The following NAV3 variants were observed in gnomAD, a reference collection of about 807,000 sequenced individuals.
The protein encoded by NAV3 is neuron navigator 3.
A neutral mutation model predicts 244.7 loss-of-function variants in NAV3; 87 were observed. The observed-to-expected ratio is 0.36, with a 90% confidence interval of 0.30 to 0.42. The LOEUF (loss-of-function observed/expected upper bound fraction) is 0.42, where lower values mean the gene tolerates loss of function less well. Among genes scored for constraint, NAV3 ranks in the 20% least tolerant of loss-of-function variants. NAV3 has a pLI of 1.00. For synonymous variants in NAV3, 1,126 were observed against 1,042.2 expected (o/e 1.08, Z -1.55); for missense variants, 2,663 against 2,893.3 (o/e 0.92, Z 1.83).
chr12:77,719,574 T>C (rs1020511289), intron 2 of NAV3, among the ~76,000 whole-genome samples: 2 of 152,148 alleles, frequency 1.3e-5, no homozygotes, highest in Non-Finnish European at 2.9e-5. Context: ...TATGACTTAT[T>C]TTTTGTTCTG....
At chr12:77,947,342 A>G (rs1440573171) in intron 3 of NAV3, 2 of 151,828 alleles carry the variant, frequency 1.3e-5, no homozygotes, top group Non-Finnish European at 1.5e-5. Flanking sequence ...CCATGCTTTT[A>G]TCAGTAGCCT....
chr12:77,701,823 G>A (rs1875576644), intron 2 of NAV3, among the ~76,000 whole-genome samples: 1 of 151,712 alleles, frequency 6.6e-6, no homozygotes, highest in African/African-American at 2.4e-5. Flanking sequence ...CATTATTTTA[G>A]TGGTCAGAGA....
At chr12:77,851,528 A>G (rs1204213571) in intron 1 of NAV3, among the ~76,000 whole-genome samples, 1 of 102,926 alleles carries the variant, frequency 9.7e-6, no homozygotes, top group Non-Finnish European at 2.2e-5. Flanking sequence ...CAATGAACTT[A>G]AAAATATTTT....
chr12:77,957,585 G>A (rs1363853913), intron 3 of NAV3, among the ~76,000 whole-genome samples: 1 of 152,126 alleles, frequency 6.6e-6, no homozygotes, highest in Non-Finnish European at 1.5e-5. Context: ...AGCTTAAAAT[G>A]TATGAGTTCA....
At chr12:77,695,781 T>C (rs1875268348) in intron 2 of NAV3, among the ~76,000 whole-genome samples, 1 of 152,122 alleles carries the variant, frequency 6.6e-6, no homozygotes, top group African/African-American at 2.4e-5. Flanking sequence ...CCAGAAATTA[T>C]ACACATACTC....
At chr12:77,817,509 C>T (rs1260722774) in intron 2 of NAV3, among the ~76,000 whole-genome samples, 6 of 147,260 alleles carry the variant, frequency 4.1e-5, no homozygotes, top group Admixed American at 3.4e-4. Flanking sequence ...CTGCCAAGTT[C>T]TTCTAGTGAT....
chr12:78,132,042 C>T (rs543676487), intron 18 of NAV3, among the ~76,000 whole-genome samples: 4 of 152,022 alleles, frequency 2.6e-5, no homozygotes, highest in Admixed American at 1.3e-4. Flanking sequence ...GACTCATTTA[C>T]CACAAATATC....
At chr12:77,605,400 CATT>C (rs1408585059) in intron 2 of NAV3, among the ~76,000 whole-genome samples, 4 of 152,062 alleles carry the variant, frequency 2.6e-5, no homozygotes, top group African/African-American at 9.7e-5. Context: ...AATTGGTTAT[CATT>C]ATATTTTTTT....
intron 2 of NAV3, among the ~76,000 whole-genome samples, chr12:77,818,358 C>T (rs1872601187): frequency 6.6e-6 from 1 of 151,990 alleles, no homozygotes; most frequent in Admixed American, 6.6e-5. Context: ...TTAAAACTGT[C>T]CTATGAAAAT....
chr12:78,183,193 T>G (rs1958570920), intron 30 of NAV3, among the ~76,000 whole-genome samples: 1 of 151,784 alleles, frequency 6.6e-6, no homozygotes, highest in Non-Finnish European at 1.5e-5. Flanking sequence ...CAAACAAAAA[T>G]ACAGAAGGCT....
chr12:77,851,492 A>G (rs1877519417), intron 1 of NAV3, among the ~76,000 whole-genome samples: 1 of 152,154 alleles, frequency 6.6e-6, no homozygotes, highest in Non-Finnish European at 1.5e-5. Context: ...GCTCAATGAA[A>G]TCTAACTTTT....
chr12:78,156,477 A>C (rs149070314), intron 22 of NAV3, among the ~76,000 whole-genome samples: 1 of 152,238 alleles, frequency 6.6e-6, no homozygotes, highest in African/African-American at 2.4e-5. Flanking sequence ...AATATAGTTT[A>C]TACAGCATAC....
intron 12 of NAV3, among the ~76,000 whole-genome samples, chr12:78,063,400 G>A (rs560354640): frequency 2.2e-4 from 34 of 152,112 alleles, no homozygotes; most frequent in African/African-American, 8.2e-4. Flanking sequence ...ACATTTTTGG[G>A]GACTGCAGGA....
chr12:77,572,818 G>T (rs1868890350), intron 2 of NAV3, among the ~76,000 whole-genome samples: 1 of 152,214 alleles, frequency 6.6e-6, no homozygotes, highest in East Asian at 1.9e-4. Flanking sequence ...AAAGAACTGT[G>T]CTAACTTTAT....
intron 23 of NAV3, among the ~76,000 whole-genome samples, chr12:78,163,332 G>A (rs1248832961): frequency 2.6e-5 from 4 of 152,048 alleles, no homozygotes; most frequent in African/African-American, 9.7e-5. Context: ...CCAAATTTGT[G>A]TGGCAGAACA....
intron 2 of NAV3, among the ~76,000 whole-genome samples, chr12:77,824,206 T>C (rs2136040816): frequency 6.6e-6 from 1 of 151,282 alleles, no homozygotes; most frequent in East Asian, 2.0e-4. Flanking sequence ...CCCGAGTAGC[T>C]GGGACTGCAG....
rs1428761780 is a variant in NAV3 at position 78,212,256 on chromosome 12, C to G, written c.*1739C>G. ...AGAAGTTACCACCACACACAAAGGA[C>G]AGGTTTTAAGTTTATGAAACCCAAG... On this transcript the variant is annotated 3_prime_UTR_variant, in exon 40 of 40. Transcript: ENST00000397909. 6.6e-6 allele frequency: 1 copy of G among 152,560 alleles called. No homozygotes were observed. The highest frequency in any genetic ancestry group is 1.5e-5 in the Non-Finnish European group (1 of 68,024). 9.5% of individuals were successfully genotyped at this position (152,560 alleles called of 1,614,324 possible). A position where few individuals can be genotyped will look rare whatever the true frequency, so the allele number is the denominator to read the frequency against.
chr12:78,038,237 A>ATATT (rs1260579907), intron 9 of NAV3, among the ~76,000 whole-genome samples: 1 of 152,222 alleles, frequency 6.6e-6, no homozygotes, highest in Non-Finnish European at 1.5e-5. Flanking sequence ...GTATCAAAAT[A>ATATT]TATTTACATC....
chr12:77,938,694 A>C (rs1437644118), intron 1 of NAV3, among the ~76,000 whole-genome samples: 2 of 152,130 alleles, frequency 1.3e-5, no homozygotes, highest in African/African-American at 4.8e-5. Flanking sequence ...CTAGCATATG[A>C]GTTCAGGAAG....
Sources: allele counts gnomAD v4.1 joint callset (sites outside exome capture counted in the v4.1 genomes callset), GRCh38; gene constraint gnomAD v4.1.1; transcripts MANE v1.5; gene names NCBI Gene and HGNC (gene_info 2026-07-23, HGNC 2026-07-21).